The following ZBTB16 variants were observed in gnomAD, a reference collection of about 807,000 sequenced individuals.
ZBTB16 encodes the protein zinc finger and BTB domain-containing protein 16.
Under a neutral mutation model 56.8 loss-of-function variants are expected in ZBTB16, and 8 were observed. That is an observed-to-expected ratio of 0.14 (90% CI 0.08 to 0.25). The LOEUF is 0.25. ZBTB16 is among the 10% of genes least tolerant of loss of function. The pLI, the probability that ZBTB16 is intolerant of heterozygous loss-of-function variation, is 1.00. For missense variants in ZBTB16, 625 were observed against 903.0 expected (o/e 0.69, Z 3.95); for synonymous variants, 363 against 368.5 (o/e 0.98, Z 0.17).
intron 4 of ZBTB16, among the ~76,000 whole-genome samples, chr11:114,220,660 A>G (rs1320757918): frequency 6.6e-6 from 1 of 152,198 alleles, no homozygotes; most frequent in Non-Finnish European, 1.5e-5. Flanking sequence ...CTTGATAGAC[A>G]TAGATGGAAG....
intron 4 of ZBTB16, among the ~76,000 whole-genome samples, chr11:114,233,631 CT>C: frequency 6.6e-6 from 1 of 152,170 alleles, no homozygotes; most frequent in East Asian, 1.9e-4. Context: ...ACCTCCTTCC[CT>C]TTTTTTATCC....
chr11:114,087,289 C>T (rs1237353078), intron 2 of ZBTB16, among the ~76,000 whole-genome samples: 1 of 152,234 alleles, frequency 6.6e-6, no homozygotes, highest in Non-Finnish European at 1.5e-5. Context: ...TTTCCACAAG[C>T]AACCCTCTGT....
At chr11:114,219,390 G>A (rs185003664) in intron 4 of ZBTB16, among the ~76,000 whole-genome samples, 7 of 152,314 alleles carry the variant, frequency 4.6e-5, no homozygotes, top group Admixed American at 4.6e-4. Flanking sequence ...CCCTGAGCAA[G>A]TGTGTGATGC....
chr11:114,203,704 A>G (rs191494732), intron 4 of ZBTB16, among the ~76,000 whole-genome samples: 1 of 152,194 alleles, frequency 6.6e-6, no homozygotes, highest in African/African-American at 2.4e-5. Flanking sequence ...CCAACCTCCT[A>G]TACCTGCGGC....
At chr11:114,071,577 T>G (rs957158400) in intron 2 of ZBTB16, among the ~76,000 whole-genome samples, 1 of 152,236 alleles carries the variant, frequency 6.6e-6, no homozygotes. Context: ...TTCTTGCTAA[T>G]TCAGGAGAGA....
At chr11:114,079,154 G>A (rs1441011726) in intron 2 of ZBTB16, among the ~76,000 whole-genome samples, 2 of 151,762 alleles carry the variant, frequency 1.3e-5, no homozygotes, top group Non-Finnish European at 1.5e-5. Context: ...GAAGACTCAG[G>A]CTCCAGAATT....
chr11:114,193,329 G>C (rs1418400164), intron 4 of ZBTB16, among the ~76,000 whole-genome samples: 2 of 152,162 alleles, frequency 1.3e-5, no homozygotes, highest in African/African-American at 2.4e-5. Context: ...TGGATGCTTT[G>C]AGAAGGGCTC....
chr11:114,246,844 C>A, intron 5 of ZBTB16: 1 of 323,246 alleles, frequency 3.1e-6, no homozygotes, highest in South Asian at 3.1e-5. Flanking sequence ...TCACCCTTAA[C>A]CTAAAGGAAG....
chr11:114,225,114 A>G (rs1313099245), intron 4 of ZBTB16, among the ~76,000 whole-genome samples: 1 of 152,168 alleles, frequency 6.6e-6, no homozygotes, highest in Non-Finnish European at 1.5e-5. Flanking sequence ...GCCAGAAGTC[A>G]GTGGGGAGTT....
intron 2 of ZBTB16, among the ~76,000 whole-genome samples, chr11:114,081,388 C>T (rs1052858656): frequency 3.4e-5 from 5 of 148,840 alleles, no homozygotes; most frequent in Non-Finnish European, 7.4e-5. Context: ...AGAGCTTATA[C>T]TTTGAGTTAA....
At chr11:114,192,200 C>A (rs542344410) in intron 4 of ZBTB16, among the ~76,000 whole-genome samples, 19 of 152,314 alleles carry the variant, frequency 1.2e-4, no homozygotes, top group Non-Finnish European at 2.4e-4. Context: ...TGGCTTCTCT[C>A]TTCAGCAGAG....
intron 3 of ZBTB16, among the ~76,000 whole-genome samples, chr11:114,164,784 C>T (rs781656160): frequency 2.0e-5 from 3 of 152,090 alleles, no homozygotes; most frequent in Admixed American, 6.5e-5. Context: ...GCATCCATCA[C>T]GCTACTGCGG....
At position 114,112,124 on chromosome 11, in the gene ZBTB16, G is replaced by C. The variant is rs75340555; in HGVS notation, c.1269-44213G>C. On this transcript the variant is annotated intron_variant, in intron 2 of 6. Transcript: ENST00000335953. ...CTACATCAAAAATTTAAAACTTTTTGCATGATTTTCTTTCGGATTTTTGCC... is the reference window on the plus strand; with the variant it reads ...CTACATCAAAAATTTAAAACTTTTTCCATGATTTTCTTTCGGATTTTTGCC... Among the ~76,000 whole-genome samples, 957 of 152,172 alleles carry C rather than the reference G, an allele frequency of 6.3e-3. 10 individuals are homozygous for C. Among genetic ancestry groups the C allele is most frequent in the African/African-American group, 0.021 (882 of 41,508 alleles).
intron 2 of ZBTB16, among the ~76,000 whole-genome samples, chr11:114,101,305 T>C (rs1940601943): frequency 6.6e-6 from 1 of 151,924 alleles, no homozygotes; most frequent in Non-Finnish European, 1.5e-5. Context: ...GCGCGAGGCC[T>C]TGTTTGGTGT....
intron 4 of ZBTB16, among the ~76,000 whole-genome samples, chr11:114,198,909 C>T (rs1408620305): frequency 6.6e-6 from 1 of 152,258 alleles, no homozygotes; most frequent in Non-Finnish European, 1.5e-5. Context: ...TCTGCCCTTT[C>T]ATCACCCCAG....
rs397798164 is a variant in ZBTB16 at position 114,254,095 on chromosome 11, A to ACTCG, written c.*3540_*3541insCTCG. Among the ~76,000 whole-genome samples, 3 of 150,150 alleles carry ACTCG rather than the reference A, an allele frequency of 2.0e-5. No individual in the cohort carries two copies. The highest frequency in any genetic ancestry group is 6.6e-5 in the Admixed American group (1 of 15,078). On this transcript the variant is annotated 3_prime_UTR_variant, in exon 7 of 7. Transcript: ENST00000335953. ...ATGCATTTGGTGACATTTACACCTC[A>ACTCG]TGTGCTCTTTCCCTATTCACTCCTT...
At chr11:114,212,797 C>A (rs944366247) in intron 4 of ZBTB16, among the ~76,000 whole-genome samples, 1 of 152,096 alleles carries the variant, frequency 6.6e-6, no homozygotes, top group African/African-American at 2.4e-5. Flanking sequence ...CTGGCTTATC[C>A]CCCCATCCCC....
chr11:114,070,753 A>C (rs933219204), intron 2 of ZBTB16, among the ~76,000 whole-genome samples: 6 of 152,218 alleles, frequency 3.9e-5, no homozygotes, highest in Admixed American at 1.3e-4. Context: ...CCTAAAGGTC[A>C]GGTGTAGCTT....
intron 2 of ZBTB16, among the ~76,000 whole-genome samples, chr11:114,090,470 C>T (rs1377036413): frequency 1.3e-5 from 2 of 152,198 alleles, no homozygotes; most frequent in African/African-American, 2.4e-5. Flanking sequence ...CTGGCCTAGC[C>T]AGGGGAGCTC....
Sources: gnomAD v4.1 joint callset for allele counts (sites outside exome capture counted in the v4.1 genomes callset) on GRCh38, gnomAD v4.1.1 for gene constraint, MANE v1.5 for transcripts, NCBI Gene and HGNC (gene_info 2026-07-23, HGNC 2026-07-21) for gene names.